Variants in MX2 observed in about 807,000 individuals in gnomAD.
MX2 encodes the protein interferon-induced GTP-binding protein Mx2.
Under a neutral mutation model 74.0 loss-of-function variants are expected in MX2, and 51 were observed. That is an observed-to-expected ratio of 0.69 (90% CI 0.55 to 0.87). The LOEUF is 0.87. Among genes scored for constraint, MX2 ranks in the 40% least tolerant of loss-of-function variants. MX2 has a pLI of 0.00. For missense variants in MX2, 832 were observed against 908.7 expected (o/e 0.92, Z 1.09); for synonymous variants, 369 against 339.3 (o/e 1.09, Z -0.96).
intron 1 of MX2, among the ~76,000 whole-genome samples, chr21:41,362,516 C>T (rs1215608637): frequency 6.6e-6 from 1 of 151,938 alleles, no homozygotes; most frequent in Non-Finnish European, 1.5e-5. Context: ...AATTGGCTCT[C>T]ATGGGGCGGG....
intron 1 of MX2, among the ~76,000 whole-genome samples, chr21:41,369,547 C>G (rs1411025302): frequency 6.6e-6 from 1 of 152,124 alleles, no homozygotes; most frequent in African/African-American, 2.4e-5. Context: ...TGTAAGCAGT[C>G]TCTGTCCCAA....
chr21:41,399,112 G>A lies in MX2; in HGVS notation c.1273-84G>A. The stretch of plus-strand genomic sequence containing the variant: ...CCTTCTTCACCCATGAGATGAGGTG[G>A]GCGGGTGGACATCTCCTTGCAACGC... On this transcript the variant is annotated intron_variant, in intron 9 of 13. Coordinates refer to ENST00000330714, the MANE Select transcript of MX2 (RefSeq NM_002463.2). 3 of 1,595,266 alleles carry A rather than the reference G, an allele frequency of 1.9e-6. No individual in the cohort carries two copies. In the South Asian group the frequency reaches 3.4e-5, roughly 18 times the overall value.
intron 1 of MX2, among the ~76,000 whole-genome samples, chr21:41,369,751 G>C (rs1442402638): frequency 6.6e-6 from 1 of 152,056 alleles, no homozygotes; most frequent in East Asian, 1.9e-4. Flanking sequence ...GGATGATGCC[G>C]CATCCAGCAC....
Position 41,395,763 on chromosome 21 carries a change from T to C in MX2, c.1048T>C (p.Phe350Leu). Reference sequence around the variant, plus strand: ...GGCAACCAAGAAAGAAATTACATTCTTTCAAACACATCCATATTTCAGGTG... The same window carrying C: ...GGCAACCAAGAAAGAAATTACATTCCTTCAAACACATCCATATTTCAGGTG... The part of the protein sequence containing the change: ...AEATKKEITF[F>L]QTHPYFRVLL... Residue 350 changes from phenylalanine to leucine, a missense_variant, in exon 7 of 14, where the codon TTT (phenylalanine) becomes CTT (leucine). Physicochemically the swap from Phe to Leu is conservative, Grantham distance 22. Transcript: ENST00000330714. The C allele has an allele frequency of 6.2e-7, 1 of 1,614,142 alleles. No homozygotes were observed. Among genetic ancestry groups the C allele is most frequent in the South Asian group, 1.1e-5 (1 of 91,080 alleles).
intron 4 of MX2, among the ~76,000 whole-genome samples, chr21:41,381,684 CAA>C (rs57350601): frequency 3.1e-3 from 180 of 58,446 alleles, no homozygotes; most frequent in Non-Finnish European, 5.4e-3. Flanking sequence ...GACTCTGTCT[CAA>C]AAAAAAAAAA....
At chr21:41,370,802 T>G (rs1309170756) in intron 1 of MX2, among the ~76,000 whole-genome samples, 1 of 152,182 alleles carries the variant, frequency 6.6e-6, no homozygotes, top group Non-Finnish European at 1.5e-5. Flanking sequence ...GCAGCCTATG[T>G]GTGTCTGGGC....
chr21:41,397,434 C>T (rs2089749933), intron 7 of MX2, among the ~76,000 whole-genome samples, 179 bp from the exon 8 acceptor site: 1 of 144,680 alleles, frequency 6.9e-6, no homozygotes. Flanking sequence ...AGGAAGCTTC[C>T]TGGCCCACAG....
At chr21:41,392,773 T>G (rs2089677662) in intron 6 of MX2, among the ~76,000 whole-genome samples, 1 of 152,180 alleles carries the variant, frequency 6.6e-6, no homozygotes, top group South Asian at 2.1e-4. Flanking sequence ...ATTATTCCCT[T>G]GCAGACTTGA....
At chr21:41,373,778 G>A (rs1438114256) in intron 1 of MX2, 1 of 147,256 alleles carries the variant, frequency 6.8e-6, no homozygotes, top group Non-Finnish European at 1.5e-5. Flanking sequence ...ACCTCAAGCA[G>A]GCCTTGCTTT....
intron 6 of MX2, among the ~76,000 whole-genome samples, chr21:41,392,330 C>T (rs998195507): frequency 8.5e-5 from 13 of 152,268 alleles, no homozygotes; most frequent in East Asian, 1.9e-4. Context: ...TATTATTTAG[C>T]CTCAAAAAGG....
chr21:41,393,525 T>TTC (rs375517818), intron 6 of MX2, among the ~76,000 whole-genome samples: 3 of 151,868 alleles, frequency 2.0e-5, no homozygotes, highest in East Asian at 1.9e-4. Context: ...TCCTCCACCA[T>TTC]TCTCTCTCTC....
intron 1 of MX2, chr21:41,364,827 G>A (rs918829052): frequency 2.0e-5 from 3 of 152,140 alleles, no homozygotes; most frequent in African/African-American, 7.2e-5. Flanking sequence ...TAGGCTGGGA[G>A]GCTAAACCAG....
In MX2 at chr21:41,397,466, G is replaced by A. The variant is rs2089750493; in HGVS notation, c.1071-147G>A. On this transcript the variant is annotated intron_variant, in intron 7 of 13. Coordinates refer to ENST00000330714, the MANE Select transcript of MX2 (RefSeq NM_002463.2). Reference sequence around the variant, plus strand: ...ACAGTTGCCTGGGTGCAGGCTGGTGGCAAGTGTCTTTCTTATGCACCACTT... The same window carrying A: ...ACAGTTGCCTGGGTGCAGGCTGGTGACAAGTGTCTTTCTTATGCACCACTT... 3 of 614,460 alleles carry A rather than the reference G, an allele frequency of 4.9e-6. No homozygotes were observed. The Admixed American group carries it at 8.1e-5, about 17-fold the overall frequency. The allele number at this position is 614,460 out of a possible 1,614,324, so 38.1% of individuals were successfully genotyped here.
rs369261217 is a variant in MX2, at chr21:41,407,947, G to A, written c.1906-44G>A. ...CCTTCTCTCTGCAACCACAGGCCTT[G>A]GGCTGAGACCACTCCAGCAAACCCT... On this transcript the variant is annotated intron_variant, in intron 13 of 13. Transcript: ENST00000330714. 10 of 1,609,916 alleles carry A rather than the reference G, an allele frequency of 6.2e-6. No homozygotes were observed. The Admixed American group carries it at 6.7e-5, about 11-fold the overall frequency.
rs945582365 is a variant in MX2, at chr21:41,366,318, C to G, written c.-72+4263C>G. ...CCTGTATATCACTCACGGGGCTGAT[C>G]TATGACTGGTGTGCTAGTCCATTTG... On this transcript the variant is annotated intron_variant, in intron 1 of 13. Coordinates refer to ENST00000330714, the MANE Select transcript of MX2 (RefSeq NM_002463.2). This position sits in a 1 kb window ranked among gnomAD's most constrained non-coding sequence, Gnocchi z 4.5. The G allele has an allele frequency of 1.3e-5, 2 of 152,234 alleles. No homozygotes were observed. Among genetic ancestry groups the G allele is most frequent in the Non-Finnish European group, 2.9e-5 (2 of 68,048 alleles). The allele number at this position is 152,234 out of a possible 1,614,324, so 9.4% of individuals were successfully genotyped here.
intron 8 of MX2, among the ~76,000 whole-genome samples, chr21:41,398,210 G>C (rs2089760789): frequency 6.6e-6 from 1 of 152,248 alleles, no homozygotes. Flanking sequence ...TGGGGAGGCT[G>C]AGGCAGGAGA....
At chr21:41,389,065 C>T (rs1320478457) in intron 5 of MX2, among the ~76,000 whole-genome samples, 1 of 152,096 alleles carries the variant, frequency 6.6e-6, no homozygotes, top group African/African-American at 2.4e-5. Context: ...AGCAGGACAG[C>T]CCCATGGGTG....
chr21:41,403,193 T>C, intron 11 of MX2, 74 bp from the exon 12 acceptor site: 1 of 1,258,134 alleles, frequency 7.9e-7, no homozygotes, highest in South Asian at 1.2e-5. Context: ...TCCCTGTGTC[T>C]TTAACCAGTT....
chr21:41,403,273 T>C lies in MX2; in HGVS notation c.1580T>C (p.Ile527Thr), dbSNP rs772312097. ...TTTTGCTTTTTTTGGTCAGAAATTA[T>C]CCAGCAAGCTTTCATTAACGTGGCC... is the stretch of plus-strand genomic sequence containing the variant. ...LSMLQKAMEI[I>T]QQAFINVAKK... Residue 527 changes from isoleucine to threonine, a missense_variant, in exon 12 of 14, where the codon ATC (isoleucine) becomes ACC (threonine). Ile to Thr is a moderately conservative substitution (Grantham distance 89). Transcript: ENST00000330714. 25 of 1,611,472 alleles carry C rather than the reference T, an allele frequency of 1.6e-5. No individual in the cohort carries two copies. Among genetic ancestry groups the C allele is most frequent in the Admixed American group, 5.0e-5 (3 of 59,920 alleles).
Sources: allele counts gnomAD v4.1 joint callset (sites outside exome capture counted in the v4.1 genomes callset), GRCh38; gene constraint gnomAD v4.1.1; non-coding constraint Gnocchi (gnomAD v3.1); transcripts MANE v1.5; gene names NCBI Gene and HGNC (gene_info 2026-07-23, HGNC 2026-07-21).